Variants in WDR27 observed in about 807,000 individuals in gnomAD.
WDR27 encodes WD repeat-containing protein 27.
WDR27 carries 100 observed loss-of-function variants against 114.4 expected under a neutral mutation model. The ratio of observed to expected loss-of-function variants is 0.87; its 90% CI spans 0.74 to 1.03. WDR27 has a LOEUF of 1.03. Ranked by LOEUF, WDR27 falls within the 50% of genes least tolerant of loss-of-function variation. The probability of loss-of-function intolerance (pLI) is 0.00; values close to 1 mark genes in which losing one functional copy is unlikely to be tolerated. For missense variants in WDR27, 1,129 were observed against 1,092.9 expected (o/e 1.03, Z -0.47); for synonymous variants, 449 against 423.1 (o/e 1.06, Z -0.75).
intron 25 of WDR27, among the ~76,000 whole-genome samples, chr6:169,461,859 C>A (rs1265962754): frequency 6.6e-6 from 1 of 151,702 alleles, no homozygotes; most frequent in Admixed American, 6.6e-5. Flanking sequence ...AATTAAGAAA[C>A]CTCTAACTAT....
At position 169,667,156 on chromosome 6, in the gene WDR27, T is replaced by C; in HGVS notation, c.692A>G (p.Tyr231Cys). The part of the protein sequence containing the change: ...VWDHCTGSLI[Y>C]SSSVLSAYPL... The stretch of plus-strand genomic sequence containing the variant: ...TTTACCTGATAACACAGATGAACTG[T>C]ATATTAATGATCCTGTACAATGGTC... The change falls in exon 6 of 26, where the codon TAC (tyrosine) becomes TGC (cysteine). Residue 231 changes from tyrosine (Y) to cysteine (C), a missense_variant. Tyr to Cys is a radical substitution (Grantham distance 194). Transcript: ENST00000448612. The C allele has an allele frequency of 1.3e-6, 2 of 1,533,262 alleles. No individual in the cohort carries two copies. Among genetic ancestry groups the C allele is most frequent in the Non-Finnish European group, 1.8e-6 (2 of 1,141,410 alleles). 95.0% of individuals were successfully genotyped at this position (1,533,262 alleles called of 1,614,324 possible).
chr6:169,528,924 A>G (rs1222924860), intron 25 of WDR27, among the ~76,000 whole-genome samples: 2 of 152,210 alleles, frequency 1.3e-5, no homozygotes, highest in Non-Finnish European at 2.9e-5. Flanking sequence ...AAATTTGGCA[A>G]TATGTATCAA....
chr6:169,689,245 G>GAC (rs1783844522), intron 1 of WDR27: 2 of 391,004 alleles, frequency 5.1e-6, no homozygotes, highest in African/African-American at 2.1e-5. Context: ...AGCAAACCTT[G>GAC]ACTCAAATAC....
intron 23 of WDR27, among the ~76,000 whole-genome samples, chr6:169,588,239 G>T (rs1285872776): frequency 6.6e-6 from 1 of 152,154 alleles, no homozygotes; most frequent in Non-Finnish European, 1.5e-5. Context: ...CTACAGTTGA[G>T]TTTATGAAGT....
intron 25 of WDR27, among the ~76,000 whole-genome samples, chr6:169,494,713 C>T (rs1022314384): frequency 2.0e-5 from 3 of 152,140 alleles, no homozygotes; most frequent in Non-Finnish European, 4.4e-5. Context: ...ATTTTGAGCA[C>T]CACCAAGTCA....
intron 25 of WDR27, among the ~76,000 whole-genome samples, chr6:169,562,944 G>A (rs1482235889): frequency 1.3e-5 from 2 of 152,152 alleles, no homozygotes; most frequent in Admixed American, 1.3e-4. Flanking sequence ...GCCTGGCCTG[G>A]CTCAGAGTCC....
At chr6:169,495,499 C>G (rs1240774763) in intron 25 of WDR27, among the ~76,000 whole-genome samples, 2 of 132,004 alleles carry the variant, frequency 1.5e-5, no homozygotes, top group Admixed American at 7.7e-5. Flanking sequence ...ATCAATGAAA[C>G]AAAAAGTTGA....
At chr6:169,675,751 T>C (rs1779923739) in intron 2 of WDR27, among the ~76,000 whole-genome samples, 1 of 152,038 alleles carries the variant, frequency 6.6e-6, no homozygotes, top group African/African-American at 2.4e-5. Flanking sequence ...GGATTGTGGA[T>C]ACCATGTTTT....
At chr6:169,651,835 G>T in intron 14 of WDR27, 95 bp downstream of exon 14, 1 of 1,081,812 alleles carries the variant, frequency 9.2e-7, no homozygotes, top group Non-Finnish European at 1.4e-6. Flanking sequence ...CCATACTGTG[G>T]CCCTCGGGGA....
chr6:169,499,632 T>C (rs1790870142), intron 25 of WDR27, among the ~76,000 whole-genome samples: 1 of 152,136 alleles, frequency 6.6e-6, no homozygotes, highest in Non-Finnish European at 1.5e-5. Context: ...GGAAATACAT[T>C]TGTGAGCACA....
At chr6:169,658,825 A>G (rs1825089405) in intron 12 of WDR27, among the ~76,000 whole-genome samples, 1 of 151,938 alleles carries the variant, frequency 6.6e-6, no homozygotes, top group Non-Finnish European at 1.5e-5. Flanking sequence ...CTGGGACTAC[A>G]GGCGCCTGCC....
intron 25 of WDR27, among the ~76,000 whole-genome samples, chr6:169,557,514 T>C (rs1799091677): frequency 6.6e-6 from 1 of 152,260 alleles, no homozygotes; most frequent in Non-Finnish European, 1.5e-5. Flanking sequence ...GCCCTCACCC[T>C]ACATGATTTA....
At chr6:169,663,551 T>C (rs1372354723) in intron 8 of WDR27, 1 of 152,344 alleles carries the variant, frequency 6.6e-6, no homozygotes, top group Non-Finnish European at 1.5e-5. Context: ...GTACAGGAGA[T>C]AAAAAGCGCA....
chr6:169,676,263 C>A (rs796908669), intron 2 of WDR27, among the ~76,000 whole-genome samples: 32 of 152,242 alleles, frequency 2.1e-4, no homozygotes, highest in African/African-American at 7.2e-4. Context: ...TGACCTTTTT[C>A]TTCTCCTGTC....
intron 25 of WDR27, among the ~76,000 whole-genome samples, chr6:169,517,983 G>A (rs1053992976): frequency 6.6e-6 from 1 of 152,178 alleles, no homozygotes; most frequent in Admixed American, 6.6e-5. Flanking sequence ...ACCCAGCAAG[G>A]CAGTCATTAA....
At chr6:169,651,891 A>T (rs770970900) in intron 14 of WDR27, 39 bp downstream of exon 14, 15 of 1,574,820 alleles carry the variant, frequency 9.5e-6, no homozygotes, top group Non-Finnish European at 1.2e-5. Context: ...TCTGTGACGC[A>T]GGTGCATTTC....
chr6:169,565,586 T>C (rs1382348773), intron 25 of WDR27, among the ~76,000 whole-genome samples: 4 of 151,950 alleles, frequency 2.6e-5, no homozygotes, highest in Non-Finnish European at 5.9e-5. Context: ...GGTTCGAGCA[T>C]GCACACAAGC....
intron 1 of WDR27, among the ~76,000 whole-genome samples, chr6:169,690,984 G>C (rs1784349400): frequency 6.6e-6 from 1 of 152,204 alleles, no homozygotes; most frequent in South Asian, 2.1e-4. Context: ...GGGAGGCCGA[G>C]GCGGGCGGAT....
At chr6:169,552,324 T>G (rs1366129111) in intron 25 of WDR27, among the ~76,000 whole-genome samples, 1 of 152,146 alleles carries the variant, frequency 6.6e-6, no homozygotes, top group Non-Finnish European at 1.5e-5. Flanking sequence ...TTATTATTGT[T>G]CGTCTCCCCC....
Sources: gnomAD v4.1 joint callset for allele counts (sites outside exome capture counted in the v4.1 genomes callset) on GRCh38, gnomAD v4.1.1 for gene constraint, MANE v1.5 for transcripts, NCBI Gene and HGNC (gene_info 2026-07-23, HGNC 2026-07-21) for gene names.